Variants in DMD observed in about 807,000 individuals in gnomAD.
The protein encoded by DMD is mutant dystrophin.
DMD carries 63 observed loss-of-function variants against 330.1 expected under a neutral mutation model. The observed-to-expected ratio is 0.19, with a 90% CI of 0.16 to 0.24. The LOEUF is 0.24. Among genes scored for constraint, DMD ranks in the 10% least tolerant of loss-of-function variants. The pLI is 1.00. For missense variants in DMD, 3,344 were observed against 2,684.1 expected (o/e 1.25, Z -5.43); for synonymous variants, 1,223 against 959.8 (o/e 1.27, Z -5.07).
chrX:32,185,445 C>A (rs2096942363), intron 44 of DMD, among the ~76,000 whole-genome samples: 1 of 111,209 alleles, frequency 9.0e-6, no homozygotes, highest in South Asian at 3.7e-4. Flanking sequence ...AGCATCGCCC[C>A]CAGGAATATG....
intron 44 of DMD, among the ~76,000 whole-genome samples, chrX:32,135,581 G>A (rs1002974704): frequency 8.1e-5 from 9 of 111,501 alleles, no homozygotes; most frequent in Non-Finnish European, 1.3e-4. Flanking sequence ...AAATTAGCTG[G>A]GCATGGTGGC....
chrX:32,625,436 C>T (rs188819292), intron 11 of DMD, among the ~76,000 whole-genome samples: 14 of 111,364 alleles, frequency 1.3e-4, no homozygotes, highest in Admixed American at 7.6e-4. Context: ...AGCTATAAAC[C>T]GACAGATAAT....
At chrX:31,746,631 T>C (rs1376778199) in intron 51 of DMD, among the ~76,000 whole-genome samples, 1 of 111,690 alleles carries the variant, frequency 9.0e-6, no homozygotes, top group Non-Finnish European at 1.9e-5. Context: ...CCATGAGGTT[T>C]CAGCCTTCTG....
intron 52 of DMD, among the ~76,000 whole-genome samples, chrX:31,689,775 T>C (rs1030568880): frequency 9.0e-6 from 1 of 111,421 alleles, no homozygotes; most frequent in African/African-American, 3.3e-5. Flanking sequence ...AACAGAGATA[T>C]ACACCAATGG....
chrX:31,766,392 G>T (rs2089995197), intron 51 of DMD, among the ~76,000 whole-genome samples: 1 of 111,627 alleles, frequency 9.0e-6, no homozygotes, highest in African/African-American at 3.3e-5. Context: ...AGGAGTAGCT[G>T]GGGCTACAGG....
intron 1 of DMD, among the ~76,000 whole-genome samples, chrX:33,267,848 T>A (rs73623935): frequency 2.1e-3 from 238 of 111,738 alleles, no homozygotes; most frequent in African/African-American, 7.4e-3. Flanking sequence ...TGGCTAGCCA[T>A]ATGCAGAAGA....
At chrX:31,169,188 C>G (rs1016258332) in intron 74 of DMD, among the ~76,000 whole-genome samples, 1 of 110,144 alleles carries the variant, frequency 9.1e-6, no homozygotes, top group Non-Finnish European at 1.9e-5. Context: ...ACACATGCAA[C>G]AAGTCAAATA....
chrX:31,469,099 T>C (rs12687374), intron 59 of DMD, among the ~76,000 whole-genome samples: 13,754 of 110,584 alleles, frequency 0.12, 1,059 homozygotes, highest in African/African-American at 0.29. Flanking sequence ...TACAGCACAC[T>C]GATGGGTCTT....
At chrX:32,112,374 G>A (rs955366231) in intron 44 of DMD, among the ~76,000 whole-genome samples, 1 of 111,559 alleles carries the variant, frequency 9.0e-6, no homozygotes, top group Admixed American at 9.6e-5. Context: ...CTGGTCCAGC[G>A]AAAGAGTGAT....
rs753038892 is a variant in DMD, at chrX:31,119,654, C to CTCTAT, written c.*2260_*2264dup. ...AGATTAAAACAAAATTATTTATGCA[C>CTCTAT]TCTATTTACCTCTGATTTTAGAATG... is the stretch of plus-strand genomic sequence containing the variant. On this transcript the variant is annotated 3_prime_UTR_variant, in exon 79 of 79. Transcript: ENST00000357033. 8.9e-6 allele frequency: 1 copy of CTCTAT among 111,950 alleles called. No homozygotes were observed. Among genetic ancestry groups the CTCTAT allele is most frequent in the East Asian group, 2.8e-4 (1 of 3,593 alleles). 9.2% of individuals were successfully genotyped at this position (111,950 alleles called of 1,213,427 possible). A position where few individuals can be genotyped will look rare whatever the true frequency, so the allele number is the denominator to read the frequency against.
rs115731970 is a variant in DMD at position 33,095,761 on chromosome X, T to C, written c.32-75561A>G. Among the ~76,000 whole-genome samples the C allele has an allele frequency of 9.9e-3, 1,094 of 110,804 alleles. 14 individuals carry two copies. The highest frequency in any genetic ancestry group is 0.034 in the African/African-American group (1,046 of 30,478). ...ATGAGTCACAGTATCAACTTCTGCA[T>C]TGAATGTTTTCTAAGCCATCTCAAA... On this transcript the variant is annotated intron_variant, in intron 1 of 78. Coordinates refer to ENST00000357033, the MANE Select transcript of DMD (RefSeq NM_004006.3).
chrX:33,255,410 G>T (rs1471959819), intron 1 of DMD, among the ~76,000 whole-genome samples: 13 of 110,847 alleles, frequency 1.2e-4, no homozygotes. Context: ...TATAGGAAAG[G>T]TACTCCAGAA....
At chrX:31,517,573 T>C (rs1309080770) in intron 55 of DMD, among the ~76,000 whole-genome samples, 1 of 110,919 alleles carries the variant, frequency 9.0e-6, no homozygotes, top group African/African-American at 3.3e-5. Flanking sequence ...GAAAATAGCA[T>C]CTGGTAATGA....
intron 2 of DMD, among the ~76,000 whole-genome samples, chrX:32,855,603 A>G: frequency 8.9e-6 from 1 of 111,881 alleles, no homozygotes. Context: ...AGAAAACTGG[A>G]TATGGATATG....
At chrX:32,073,907 T>C (rs2096321884) in intron 44 of DMD, among the ~76,000 whole-genome samples, 3 of 111,439 alleles carry the variant, frequency 2.7e-5, no homozygotes, top group Non-Finnish European at 5.7e-5. Context: ...TATGAGAACA[T>C]TTTCATAATG....
chrX:31,546,887 G>T (rs1448833201), intron 55 of DMD, among the ~76,000 whole-genome samples: 1 of 112,254 alleles, frequency 8.9e-6, no homozygotes, highest in African/African-American at 3.2e-5. Context: ...TTCTTAATAC[G>T]TGAATGAATG....
intron 1 of DMD, among the ~76,000 whole-genome samples, chrX:33,302,069 T>C (rs924691503): frequency 8.9e-6 from 1 of 112,004 alleles, no homozygotes; most frequent in Admixed American, 9.5e-5. Flanking sequence ...CAATTTTTAT[T>C]CATCTTACTA....
chrX:32,156,058 A>C (rs398124026), intron 44 of DMD, among the ~76,000 whole-genome samples: 1 of 110,984 alleles, frequency 9.0e-6, no homozygotes, highest in East Asian at 2.8e-4. Context: ...TCAATGAGTT[A>C]AAATAAAGTG....
At chrX:33,135,516 T>C (rs1370073544) in intron 1 of DMD, among the ~76,000 whole-genome samples, 1 of 112,164 alleles carries the variant, frequency 8.9e-6, no homozygotes, top group Non-Finnish European at 1.9e-5. Context: ...TATGCAGACA[T>C]AAAAAAATCA....
Sources: gnomAD v4.1 joint callset for allele counts (sites outside exome capture counted in the v4.1 genomes callset) on GRCh38, gnomAD v4.1.1 for gene constraint, MANE v1.5 for transcripts, NCBI Gene and HGNC (gene_info 2026-07-23, HGNC 2026-07-21) for gene names.